The following TENT4A variants were observed in gnomAD, a reference collection of about 807,000 sequenced individuals.
TENT4A encodes the protein terminal nucleotidyltransferase 4A.
TENT4A carries 7 observed loss-of-function variants against 72.8 expected under a neutral mutation model. The ratio of observed to expected loss-of-function variants is 0.10; its 90% CI spans 0.05 to 0.18. The LOEUF is 0.18. TENT4A is among the 10% of genes least tolerant of loss of function. The pLI is 1.00. For synonymous variants in TENT4A, 456 were observed against 434.3 expected, an observed-to-expected ratio of 1.05 and a Z score of -0.62; for missense variants, 831 against 1,017.7, an observed-to-expected ratio of 0.82 and a Z score of 2.50.
chr5:6,713,890 C>A lies in TENT4A; in HGVS notation c.-94C>A. 3 of 321,656 alleles carry A rather than the reference C, an allele frequency of 9.3e-6. No homozygotes were observed. Among genetic ancestry groups the A allele is most frequent in the Admixed American group, 6.7e-5 (1 of 14,892 alleles). The allele number at this position is 321,656 out of a possible 1,614,324, so 19.9% of individuals were successfully genotyped here. On this transcript the variant is annotated 5_prime_UTR_variant, in exon 1 of 13. Coordinates refer to ENST00000230859, the MANE Select transcript of TENT4A (RefSeq NM_006999.6). ...CGCCACCGGCCCAGGCCCGTCCGTCCGTCCGTGCGCGCGCGGCCGGGCCTC... is the reference window on the plus strand; with the variant it reads ...CGCCACCGGCCCAGGCCCGTCCGTCAGTCCGTGCGCGCGCGGCCGGGCCTC...
At chr5:6,753,876 A>G (rs1379008390) in intron 12 of TENT4A, among the ~76,000 whole-genome samples, 1 of 152,254 alleles carries the variant, frequency 6.6e-6, no homozygotes, top group African/African-American at 2.4e-5. Flanking sequence ...TCAGGGTGAA[A>G]GAACAACTTC....
At chr5:6,730,095 GCC>G (rs3215068) in intron 1 of TENT4A, among the ~76,000 whole-genome samples, 3 of 150,990 alleles carry the variant, frequency 2.0e-5, no homozygotes, top group African/African-American at 2.4e-5. Flanking sequence ...TTGTTTCTCC[GCC>G]CCCCCCCGGA....
chr5:6,716,407 C>T (rs1022899166), intron 1 of TENT4A, among the ~76,000 whole-genome samples: 6 of 152,228 alleles, frequency 3.9e-5, no homozygotes, highest in Non-Finnish European at 5.9e-5. Context: ...CACGTCCAGT[C>T]TCTCATCACA....
chr5:6,735,278 A>AT (rs3834248), intron 1 of TENT4A, among the ~76,000 whole-genome samples: 10,307 of 152,214 alleles, frequency 0.068, 493 homozygotes, highest in African/African-American at 0.13. Context: ...TACTCCTGTT[A>AT]TTATCCTCAG....
Position 6,746,441 on chromosome 5 carries a change from G to C in TENT4A, c.1459+14G>C. The C allele has an allele frequency of 6.2e-7, 1 of 1,613,208 alleles. No individual in the cohort carries two copies. The highest frequency in any genetic ancestry group is 1.1e-5 in the South Asian group (1 of 91,036). ...CCCTGCTGCCAGGTAAGGGCGCCCT[G>C]ATCTCCACTGCTGAGAGCTGGGCCA... On this transcript the variant is annotated intron_variant, in intron 7 of 12. Coordinates refer to ENST00000230859, the MANE Select transcript of TENT4A (RefSeq NM_006999.6).
intron 8 of TENT4A, 69 bp from the exon 9 acceptor site, chr5:6,749,480 GGTAGCTGT>G: frequency 1.2e-6 from 1 of 849,684 alleles, no homozygotes; most frequent in Non-Finnish European, 2.0e-6. Flanking sequence ...AGGGGTATAA[GGTAGCTGT>G]TCGAGAGGGG....
rs375858272 is a variant in TENT4A, at chr5:6,750,382, C to T, written c.1739C>T (p.Thr580Met). 1.4e-5 allele frequency: 22 copies of T among 1,612,896 alleles called. No homozygotes were observed. Among genetic ancestry groups the T allele is most frequent in the East Asian group, 4.5e-5 (2 of 44,718 alleles). The change falls in exon 10 of 13, where the codon ACG (threonine) becomes ATG (methionine). Residue 580 changes from threonine (T) to methionine (M), a missense_variant. Thr to Met is a moderately conservative substitution (Grantham distance 81). This residue lies in a region of TENT4A where 332 missense variants were observed against 324.3 expected (regional missense o/e 1.02). Transcript: ENST00000230859. Reference protein sequence around the residue: ...ERIATCNGEQTQNREPESPYG... With the variant: ...ERIATCNGEQMQNREPESPYG... Reference sequence around the variant, plus strand: ...ATAGCCACATGCAATGGGGAGCAGACGCAGAACCGAGAGCCCGAGTCTCCC... The same window carrying T: ...ATAGCCACATGCAATGGGGAGCAGATGCAGAACCGAGAGCCCGAGTCTCCC...
At chr5:6,715,336 C>T (rs1478429967) in intron 1 of TENT4A, among the ~76,000 whole-genome samples, 1 of 152,134 alleles carries the variant, frequency 6.6e-6, no homozygotes, top group Non-Finnish European at 1.5e-5. Flanking sequence ...TTAAATATTT[C>T]TACATCCGCC....
chr5:6,732,569 T>C (rs1741265310), intron 1 of TENT4A, among the ~76,000 whole-genome samples: 1 of 152,254 alleles, frequency 6.6e-6, no homozygotes, highest in South Asian at 2.1e-4. Flanking sequence ...AGTCAGTCAT[T>C]ACCTTTCGAT....
chr5:6,723,662 C>G (rs1018379901), intron 1 of TENT4A, among the ~76,000 whole-genome samples: 5 of 152,190 alleles, frequency 3.3e-5, no homozygotes, highest in Non-Finnish European at 5.9e-5. Context: ...ATTCTACAAA[C>G]ATGGTTCAAA....
intron 5 of TENT4A, among the ~76,000 whole-genome samples, chr5:6,743,128 G>A (rs1741902801): frequency 6.6e-6 from 1 of 152,122 alleles, no homozygotes; most frequent in African/African-American, 2.4e-5. Context: ...ACCTCCTGTT[G>A]CAGTAGAGGC....
chr5:6,738,204 G>T (rs1741611112), intron 2 of TENT4A, among the ~76,000 whole-genome samples: 1 of 152,108 alleles, frequency 6.6e-6, no homozygotes, highest in Non-Finnish European at 1.5e-5. Flanking sequence ...CCCTACTGCT[G>T]ACTGGGCTCA....
chr5:6,733,163 T>G (rs1416560029), intron 1 of TENT4A, among the ~76,000 whole-genome samples: 4 of 152,206 alleles, frequency 2.6e-5, no homozygotes, highest in Non-Finnish European at 5.9e-5. Context: ...CAGCCTAATG[T>G]GTCAGGAGTA....
intron 1 of TENT4A, among the ~76,000 whole-genome samples, chr5:6,730,971 T>A (rs1648001068): frequency 6.6e-6 from 1 of 152,242 alleles, no homozygotes; most frequent in African/African-American, 2.4e-5. Context: ...TGTGATTTGC[T>A]TACAACCCAC....
chr5:6,751,121 C>T lies in TENT4A; in HGVS notation c.1943C>T (p.Pro648Leu). Residue 648 changes from proline (P) to leucine (L), a missense_variant, in exon 11 of 13, where the codon CCC (proline) becomes CTC (leucine). Around this residue, in one of 3 missense-constraint regions of TENT4A, gnomAD observed 332 missense variants for 324.3 expected, o/e 1.02. Transcript: ENST00000230859. ...CCAGCTCCTCTCATGGCCGGCTTAC[C>T]CACCGCCTTGCCAATGCCCAGTGGC... ...QAPAPLMAGL[P>L]TALPMPSGKP... 1 of 1,614,178 alleles carries T rather than the reference C, an allele frequency of 6.2e-7. No individual in the cohort carries two copies. Among genetic ancestry groups the T allele is most frequent in the Non-Finnish European group, 8.5e-7 (1 of 1,180,024 alleles).
intron 6 of TENT4A, 35 bp from the exon 7 acceptor site, chr5:6,746,179 A>G: frequency 6.2e-7 from 1 of 1,614,040 alleles, no homozygotes; most frequent in Non-Finnish European, 8.5e-7. Flanking sequence ...ACATGCCATG[A>G]ATCCATACAA....
chr5:6,722,049 G>A (rs1186909598), intron 1 of TENT4A, among the ~76,000 whole-genome samples: 2 of 152,354 alleles, frequency 1.3e-5, no homozygotes, highest in Non-Finnish European at 2.9e-5. Context: ...CCTGCTCGGT[G>A]GAGTCCATTT....
At position 6,746,246 on chromosome 5, in the gene TENT4A, T is replaced by G. The variant is rs775638125; in HGVS notation, c.1278T>G (p.Asp426Glu). 1.2e-6 allele frequency: 2 copies of G among 1,614,252 alleles called. No individual in the cohort carries two copies. Among genetic ancestry groups the G allele is most frequent in the South Asian group, 2.2e-5 (2 of 91,088 alleles). The change falls in exon 7 of 13, where the codon GAT (aspartate) becomes GAG (glutamate). Residue 426 changes from aspartate (D) to glutamate (E), a missense_variant. By Grantham distance (45) the Asp-to-Glu change is conservative. Transcript: ENST00000230859. ...LHPRIDARRA[D>E]ENLGMLLVEF... ...CAAGAATTGATGCCCGGAGAGCTGA[T>G]GAAAACCTTGGAATGCTTCTTGTAG...
chr5:6,735,743 G>A (rs1741444958), intron 1 of TENT4A, among the ~76,000 whole-genome samples: 1 of 101,462 alleles, frequency 9.9e-6, no homozygotes, highest in Non-Finnish European at 2.4e-5. Flanking sequence ...CATGCTTGGG[G>A]TGAGGTTTTT....
Sources: allele counts gnomAD v4.1 joint callset (sites outside exome capture counted in the v4.1 genomes callset), GRCh38; gene constraint gnomAD v4.1.1; regional missense constraint gnomAD v4.1.1; transcripts MANE v1.5; gene names NCBI Gene and HGNC (gene_info 2026-07-23, HGNC 2026-07-21).